The following PCYT1B variants were observed in gnomAD, a reference collection of about 807,000 sequenced individuals.
PCYT1B encodes the protein choline-phosphate cytidylyltransferase B.
In PCYT1B, 10 loss-of-function variants were observed where a neutral mutation model predicts 26.4. The observed-to-expected ratio is 0.38, with a 90% CI of 0.23 to 0.64. The LOEUF (loss-of-function observed/expected upper bound fraction) is 0.64. Among genes scored for constraint, PCYT1B ranks in the 30% least tolerant of loss-of-function variants. PCYT1B has a pLI of 0.56. For synonymous variants in PCYT1B, 131 were observed against 108.4 expected (o/e 1.21, Z -1.29); for missense variants, 161 against 292.7 (o/e 0.55, Z 3.28).
chrX:24,659,630 G>T (rs1209317783), intron 1 of PCYT1B, among the ~76,000 whole-genome samples: 1 of 111,880 alleles, frequency 8.9e-6, no homozygotes. Flanking sequence ...AAATGTATTT[G>T]GCTCATAGTT....
At chrX:24,567,635 A>G (rs761283807) in intron 7 of PCYT1B, among the ~76,000 whole-genome samples, 14 of 112,053 alleles carry the variant, frequency 1.2e-4, no homozygotes, top group Admixed American at 2.8e-4. Context: ...TTTCTCTCCT[A>G]TGAAGTTTTC....
At chrX:24,633,529 C>A (rs1236002787) in intron 1 of PCYT1B, among the ~76,000 whole-genome samples, 3 of 110,306 alleles carry the variant, frequency 2.7e-5, no homozygotes, top group Non-Finnish European at 3.8e-5. Context: ...CAAAAATTAG[C>A]CGGGCGTCGT....
chrX:24,580,901 A>G (rs1176396661), intron 5 of PCYT1B, among the ~76,000 whole-genome samples: 6 of 111,614 alleles, frequency 5.4e-5, no homozygotes, highest in African/African-American at 2.0e-4. Context: ...TAGTCTCCTC[A>G]GCTGAGAAAA....
intron 5 of PCYT1B, among the ~76,000 whole-genome samples, 196 bp from the exon 6 acceptor site, chrX:24,579,654 T>A (rs1038923247): frequency 9.0e-6 from 1 of 111,057 alleles, no homozygotes; most frequent in African/African-American, 3.3e-5. Flanking sequence ...TACATGTTCA[T>A]CATCCCAGAC....
chrX:24,588,874 C>A (rs1012109620), intron 4 of PCYT1B, among the ~76,000 whole-genome samples: 7 of 111,239 alleles, frequency 6.3e-5, no homozygotes, highest in African/African-American at 2.3e-4. Context: ...ACAATTAGTA[C>A]GGAGTATATC....
intron 1 of PCYT1B, among the ~76,000 whole-genome samples, chrX:24,670,291 C>A (rs903820870): frequency 8.9e-6 from 1 of 112,188 alleles, no homozygotes; most frequent in African/African-American, 3.2e-5. Flanking sequence ...ATACTCAACT[C>A]TCTTATTTAA....
chrX:24,647,114 A>G lies in PCYT1B; in HGVS notation c.-9T>C, dbSNP rs1452017140. 8.3e-7 allele frequency: 1 copy of G among 1,200,434 alleles called. No individual in the cohort carries two copies. Among genetic ancestry groups the G allele is most frequent in the African/African-American group, 1.8e-5 (1 of 55,949 alleles). ...GTGGTAACTACTGGCATGGCCAGTG[A>G]ATGCTCCCTCTAGCTCTACACCCTC... On this transcript the variant is annotated 5_prime_UTR_variant, in exon 1 of 8. Coordinates refer to ENST00000379144, the MANE Select transcript of PCYT1B (RefSeq NM_004845.5).
At chrX:24,657,772 G>A (rs1342867422) in intron 1 of PCYT1B, among the ~76,000 whole-genome samples, 1 of 112,109 alleles carries the variant, frequency 8.9e-6, no homozygotes, top group Non-Finnish European at 1.9e-5. Context: ...AGCAATTATA[G>A]GAACCAGAAA....
At chrX:24,575,584 G>T (rs191452966) in intron 6 of PCYT1B, among the ~76,000 whole-genome samples, 32 of 111,929 alleles carry the variant, frequency 2.9e-4, no homozygotes, top group Middle Eastern at 4.6e-3. Context: ...TCTTTGAGTT[G>T]GATTCACTTA....
intron 1 of PCYT1B, among the ~76,000 whole-genome samples, chrX:24,624,033 G>A (rs774123708): frequency 3.9e-5 from 4 of 102,476 alleles, no homozygotes; most frequent in Admixed American, 1.1e-4. Context: ...GTGCAGTGGC[G>A]CAATCTGCTC....
chrX:24,651,458 A>G (rs1181796100), upstream of PCYT1B, among the ~76,000 whole-genome samples: 1 of 20,863 alleles, frequency 4.8e-5, no homozygotes, highest in African/African-American at 2.7e-4. Context: ...CCATCTCAAA[A>G]AAAAAAAAAA....
rs956958245 is a variant in PCYT1B, at chrX:24,641,667, G to A, written c.117+5322C>T. Among the ~76,000 whole-genome samples, 4 of 112,081 alleles carry A rather than the reference G, an allele frequency of 3.6e-5. No individual in the cohort carries two copies. In the Admixed American group the frequency reaches 3.8e-4, roughly 11 times the overall value. ...GTATTGCAAGCACAATATACACATTGGATTTCAGACTTAGTATGAAGAAAA... is the reference window on the plus strand; with the variant it reads ...GTATTGCAAGCACAATATACACATTAGATTTCAGACTTAGTATGAAGAAAA... On this transcript the variant is annotated intron_variant, in intron 1 of 7. Transcript: ENST00000379144.
At chrX:24,572,330 T>G (rs1923859667) in intron 7 of PCYT1B, among the ~76,000 whole-genome samples, 1 of 111,205 alleles carries the variant, frequency 9.0e-6, no homozygotes, top group South Asian at 3.8e-4. Flanking sequence ...ACACAAATCC[T>G]TTGCAGATGC....
intron 5 of PCYT1B, among the ~76,000 whole-genome samples, chrX:24,582,603 T>C (rs1234581988): frequency 8.9e-6 from 1 of 112,254 alleles, no homozygotes; most frequent in African/African-American, 3.2e-5. Context: ...TCAACAGTAG[T>C]AGGCAATATT....
chrX:24,564,841 A>T (rs1390003090), intron 7 of PCYT1B, among the ~76,000 whole-genome samples: 1 of 110,519 alleles, frequency 9.0e-6, no homozygotes. Flanking sequence ...ATAGAATCCT[A>T]CAGTATGTGG....
chrX:24,569,803 A>T (rs1923761096), intron 7 of PCYT1B, among the ~76,000 whole-genome samples: 1 of 111,939 alleles, frequency 8.9e-6, no homozygotes, highest in Non-Finnish European at 1.9e-5. Context: ...GTTTGGGATG[A>T]TGAAGAAGTT....
At chrX:24,668,509 G>C (rs1927173401) in intron 1 of PCYT1B, among the ~76,000 whole-genome samples, 1 of 111,280 alleles carries the variant, frequency 9.0e-6, no homozygotes, top group South Asian at 3.8e-4. Context: ...TCAATCAGCA[G>C]ATATTTATTG....
At position 24,643,653 on chromosome X, in the gene PCYT1B, C is replaced by T. The variant is rs760871761; in HGVS notation, c.117+3336G>A. On this transcript the variant is annotated intron_variant, in intron 1 of 7. Coordinates refer to ENST00000379144, the MANE Select transcript of PCYT1B (RefSeq NM_004845.5). ...AAGAATAAGGCAGGTAGAGAAACTA[C>T]AAGTTTTCCTGGCAGAAGAACTTCC... 5.3e-5 allele frequency among the ~76,000 whole-genome samples: 6 copies of T among 112,313 alleles called. No homozygotes were observed. In the South Asian group the frequency reaches 2.2e-3, roughly 42 times the overall value.
intron 7 of PCYT1B, among the ~76,000 whole-genome samples, chrX:24,571,805 G>A (rs1923837508): frequency 2.7e-5 from 3 of 110,659 alleles, no homozygotes; most frequent in Non-Finnish European, 5.7e-5. Flanking sequence ...AAAATTAGCT[G>A]GGCATGGTGG....
Sources: allele counts gnomAD v4.1 joint callset (sites outside exome capture counted in the v4.1 genomes callset), GRCh38; gene constraint gnomAD v4.1.1; transcripts MANE v1.5; gene names NCBI Gene and HGNC (gene_info 2026-07-23, HGNC 2026-07-21).